ESR2: variants seen among roughly 807,000 people sequenced by gnomAD.
ESR2 encodes the protein estrogen receptor beta.
A neutral mutation model predicts 49.6 loss-of-function variants in ESR2; 36 were observed. The observed-to-expected ratio is 0.73, with a 90% CI of 0.56 to 0.96. ESR2 has a LOEUF of 0.96. Among genes scored for constraint, ESR2 ranks in the 40% least tolerant of loss-of-function variants. The pLI, the probability that ESR2 is intolerant of heterozygous loss-of-function variation, is 0.00. For synonymous variants in ESR2, 320 were observed against 266.1 expected (o/e 1.20, Z -1.97); for missense variants, 714 against 693.0 (o/e 1.03, Z -0.34).
chr14:64,237,821 T>C (rs1301986906), intron 7 of ESR2, among the ~76,000 whole-genome samples: 3 of 152,182 alleles, frequency 2.0e-5, no homozygotes, highest in African/African-American at 7.2e-5. Context: ...ATGTCTAGAA[T>C]AGGCAAATCC....
In ESR2 at chr14:64,280,085, C is replaced by G. The variant is rs892466186; in HGVS notation, c.431G>C (p.Arg144Thr). ...GCAGACAGCGCAGAAGTGAGCATCCCTCTTTGAACCTGGACCAGTAACAGG... is the reference window on the plus strand; with the variant it reads ...GCAGACAGCGCAGAAGTGAGCATCCGTCTTTGAACCTGGACCAGTAACAGG... ...ASPVTGPGSK[R>T]DAHFCAVCSD... Residue 144 changes from arginine (R) to threonine (T), a missense_variant, in exon 3 of 9, where the codon AGG (arginine) becomes ACG (threonine). By Grantham distance (71) the Arg-to-Thr change is moderately conservative. Coordinates refer to ENST00000341099, the MANE Select transcript of ESR2 (RefSeq NM_001437.3). The G allele has an allele frequency of 6.2e-7, 1 of 1,614,104 alleles. No homozygotes were observed. Among genetic ancestry groups the G allele is most frequent in the East Asian group, 2.2e-5 (1 of 44,886 alleles).
chr14:64,271,904 T>C (rs779317399), intron 3 of ESR2, among the ~76,000 whole-genome samples: 7 of 152,260 alleles, frequency 4.6e-5, no homozygotes, highest in Non-Finnish European at 1.0e-4. Context: ...ATTTCCTTTC[T>C]TTTGGGTGCA....
At chr14:64,234,065 C>G (rs2098729965) in intron 8 of ESR2, 1 of 152,140 alleles carries the variant, frequency 6.6e-6, no homozygotes, top group Non-Finnish European at 1.5e-5. Context: ...TTCATGACCT[C>G]AAAAACACCA....
chr14:64,302,125 A>G (rs922267904), intron 1 of ESR2, among the ~76,000 whole-genome samples: 24 of 152,036 alleles, frequency 1.6e-4, no homozygotes, highest in African/African-American at 5.3e-4. Flanking sequence ...TCACAGGGTC[A>G]TAAGAGTCAC....
At chr14:64,270,574 G>A (rs1045837764) in intron 3 of ESR2, among the ~76,000 whole-genome samples, 21 of 151,866 alleles carry the variant, frequency 1.4e-4, no homozygotes, top group African/African-American at 4.6e-4. Context: ...GCAGTGGCAC[G>A]ATCTCGACTC....
chr14:64,271,989 CAT>C (rs1319376479), intron 3 of ESR2, among the ~76,000 whole-genome samples: 1 of 152,182 alleles, frequency 6.6e-6, no homozygotes, highest in Non-Finnish European at 1.5e-5. Flanking sequence ...AACTGTTCTC[CAT>C]AGTAGTTGTA....
At chr14:64,284,334 CT>C (rs1012719000) in intron 1 of ESR2, among the ~76,000 whole-genome samples, 3 of 150,930 alleles carry the variant, frequency 2.0e-5, no homozygotes, top group South Asian at 4.2e-4. Context: ...ACAGGCAAAT[CT>C]TTTTTTTTGA....
At chr14:64,317,881 A>T (rs2077277078) in intron 1 of ESR2, among the ~76,000 whole-genome samples, 1 of 152,224 alleles carries the variant, frequency 6.6e-6, no homozygotes, top group African/African-American at 2.4e-5. Flanking sequence ...TCTATAAAAA[A>T]ATCTATATTT....
At position 64,229,836 on chromosome 14, in the gene ESR2, C is replaced by G. The variant is rs2098725558; in HGVS notation, c.*3301G>C. On this transcript the variant is annotated 3_prime_UTR_variant, in exon 9 of 9. Coordinates refer to ENST00000341099, the MANE Select transcript of ESR2 (RefSeq NM_001437.3). ...CTGGCACAGATATTATCTTTAGATACTAAATAATGTGTTTTTATCTTTTTA... is the reference window on the plus strand; with the variant it reads ...CTGGCACAGATATTATCTTTAGATAGTAAATAATGTGTTTTTATCTTTTTA... Among the ~76,000 whole-genome samples, 1 of 152,064 alleles carries G rather than the reference C, an allele frequency of 6.6e-6. No homozygotes were observed. The highest frequency in any genetic ancestry group is 2.4e-5 in the African/African-American group (1 of 41,386).
intron 3 of ESR2, among the ~76,000 whole-genome samples, chr14:64,275,049 A>C (rs1423105297): frequency 6.6e-6 from 1 of 152,190 alleles, no homozygotes; most frequent in Non-Finnish European, 1.5e-5. Flanking sequence ...CCATGTGCTG[A>C]GGAAAAGAAT....
At chr14:64,290,010 T>C (rs61984416) in intron 1 of ESR2, among the ~76,000 whole-genome samples, 3 of 152,136 alleles carry the variant, frequency 2.0e-5, no homozygotes, top group African/African-American at 4.8e-5. Flanking sequence ...GGAAAAGATT[T>C]AAAAAGATTT....
intron 1 of ESR2, among the ~76,000 whole-genome samples, chr14:64,317,201 G>C (rs193026385): frequency 3.3e-3 from 504 of 152,332 alleles, no homozygotes; most frequent in Non-Finnish European, 4.9e-3. Flanking sequence ...AGAGGCAGAG[G>C]TTGCAGTGGG....
chr14:64,280,214 G>GA (rs2076637116), intron 2 of ESR2, 61 bp from the exon 3 acceptor site: 2 of 1,188,706 alleles, frequency 1.7e-6, no homozygotes, highest in Non-Finnish European at 1.2e-6. Context: ...GGGCTTTCTA[G>GA]GAAAAAAAAA....
At chr14:64,248,920 C>G (rs72720399) in intron 7 of ESR2, among the ~76,000 whole-genome samples, 1,860 of 152,228 alleles carry the variant, frequency 0.012, 19 homozygotes, top group South Asian at 0.019. Flanking sequence ...TCTAAGCTGC[C>G]CAAAGCCTGG....
chr14:64,287,024 G>GT (rs61331470), intron 1 of ESR2, among the ~76,000 whole-genome samples: 529 of 141,038 alleles, frequency 3.8e-3, no homozygotes, highest in South Asian at 3.7e-3. Flanking sequence ...GCCTGAAGTT[G>GT]TTTTTTTTTT....
chr14:64,278,324 T>C (rs1435195258), intron 3 of ESR2, among the ~76,000 whole-genome samples: 1 of 152,098 alleles, frequency 6.6e-6, no homozygotes, highest in Non-Finnish European at 1.5e-5. Context: ...AATTATAAAA[T>C]CCAGGACAAA....
chr14:64,278,493 C>T (rs1213812499), intron 3 of ESR2, among the ~76,000 whole-genome samples: 1 of 152,122 alleles, frequency 6.6e-6, no homozygotes, highest in East Asian at 1.9e-4. Context: ...TAGTAAATTG[C>T]TATTTGCCAT....
At chr14:64,283,636 A>G (rs977800302) in intron 1 of ESR2, among the ~76,000 whole-genome samples, 22 of 150,710 alleles carry the variant, frequency 1.5e-4, no homozygotes, top group Admixed American at 4.6e-4. Context: ...CTGTTGTCCC[A>G]GCTACTCAAG....
chr14:64,261,566 C>T (rs879392054), intron 4 of ESR2, among the ~76,000 whole-genome samples: 58 of 151,592 alleles, frequency 3.8e-4, no homozygotes, highest in Admixed American at 2.2e-3. Flanking sequence ...TACAGGAGCC[C>T]GCCACCATGC....
Sources: allele counts gnomAD v4.1 joint callset (sites outside exome capture counted in the v4.1 genomes callset), GRCh38; gene constraint gnomAD v4.1.1; transcripts MANE v1.5; gene names NCBI Gene and HGNC (gene_info 2026-07-23, HGNC 2026-07-21).